Variants in TIAM2 observed in about 807,000 individuals in gnomAD.
TIAM2 encodes the protein TIAM Rac1 associated GEF 2.
TIAM2 carries 80 observed loss-of-function variants against 152.9 expected under a neutral mutation model. The ratio of observed to expected loss-of-function variants is 0.52; its 90% CI spans 0.44 to 0.63. The LOEUF (loss-of-function observed/expected upper bound fraction) is 0.63, where lower values mean the gene tolerates loss of function less well. Among genes scored for constraint, TIAM2 ranks in the 30% least tolerant of loss-of-function variants. The probability of loss-of-function intolerance (pLI) is 0.00; values close to 1 mark genes in which losing one functional copy is unlikely to be tolerated. For synonymous variants in TIAM2, 804 were observed against 838.0 expected (o/e 0.96, Z 0.70); for missense variants, 1,965 against 2,120.1 (o/e 0.93, Z 1.44).
chr6:155,071,941 G>A (rs1055155536), intron 1 of TIAM2, among the ~76,000 whole-genome samples: 1 of 151,776 alleles, frequency 6.6e-6, no homozygotes, highest in East Asian at 1.9e-4. Flanking sequence ...TATTATCTCT[G>A]TTATGTGTTG....
In TIAM2 at chr6:155,218,131, A is replaced by G. The variant is rs1330021227; in HGVS notation, c.3168+6824A>G. 6.6e-6 allele frequency among the ~76,000 whole-genome samples: 1 copy of G among 152,248 alleles called. No homozygotes were observed. The highest frequency in any genetic ancestry group is 1.5e-5 in the Non-Finnish European group (1 of 68,042). ...ATGTTTTTGTTAGGCAGTCAAGCTA[A>G]AAGATAACTTATTTATAAACCGTAG... On this transcript the variant is annotated intron_variant, in intron 15 of 26. Coordinates refer to ENST00000682666, the MANE Select transcript of TIAM2 (RefSeq NM_012454.4). This position sits in a 1 kb window ranked among gnomAD's most constrained non-coding sequence, Gnocchi z 4.5.
chr6:155,142,785 A>C (rs1779739330), intron 5 of TIAM2, among the ~76,000 whole-genome samples: 1 of 152,116 alleles, frequency 6.6e-6, no homozygotes, highest in African/African-American at 2.4e-5. Context: ...TGCGGGGAGG[A>C]GCAAATGCGC....
At chr6:155,158,690 G>C (rs1004941813) in intron 7 of TIAM2, among the ~76,000 whole-genome samples, 3 of 151,726 alleles carry the variant, frequency 2.0e-5, no homozygotes, top group Non-Finnish European at 4.4e-5. Flanking sequence ...ACATAGATGG[G>C]GCTACAGGTG....
rs1779400121 is a variant in TIAM2 at position 155,129,854 on chromosome 6, G to A, written c.631G>A (p.Val211Met). The A allele has an allele frequency of 4.3e-6, 7 of 1,613,668 alleles. No homozygotes were observed. The highest frequency in any genetic ancestry group is 4.0e-5 in the African/African-American group (3 of 75,054). ...TACCTTAGCATCGGAAACCTCCCCTGTGCCTGAAGCCAGGAGGGGGTCCAG... is the reference window on the plus strand; with the variant it reads ...TACCTTAGCATCGGAAACCTCCCCTATGCCTGAAGCCAGGAGGGGGTCCAG... ...SPTLASETSP[V>M]PEARRGSSAD... The change falls in exon 4 of 27, where the codon GTG becomes ATG. Residue 211 changes from valine (V) to methionine (M), a missense_variant. By Grantham distance (21) the Val-to-Met change is conservative. Transcript: ENST00000682666. This position sits in a 1 kb window ranked among gnomAD's most constrained non-coding sequence, Gnocchi z 4.8.
chr6:155,044,419 C>A (rs769205553), intron 1 of TIAM2, among the ~76,000 whole-genome samples: 1 of 152,160 alleles, frequency 6.6e-6, no homozygotes, highest in Non-Finnish European at 1.5e-5. Flanking sequence ...GTTTTTTATT[C>A]GTTTAGCTGA....
chr6:155,169,630 C>A (rs1005797389), intron 9 of TIAM2, among the ~76,000 whole-genome samples: 2 of 152,110 alleles, frequency 1.3e-5, no homozygotes, highest in Non-Finnish European at 2.9e-5. Context: ...TCTCTCCAGG[C>A]GCCGTCAAGG....
At chr6:155,167,866 A>G (rs77099542) in intron 9 of TIAM2, among the ~76,000 whole-genome samples, 3,906 of 152,318 alleles carry the variant, frequency 0.026, 74 homozygotes, top group Non-Finnish European at 0.04. Flanking sequence ...TCAAGACAGT[A>G]TATTCGATAT....
chr6:155,013,273 A>C (rs1290002484), intron 1 of TIAM2, among the ~76,000 whole-genome samples: 1 of 152,150 alleles, frequency 6.6e-6, no homozygotes, highest in Admixed American at 6.6e-5. Context: ...GCAGGTCAGA[A>C]AATCTCTGTC....
In TIAM2 at chr6:155,187,803, C is replaced by G. The variant is rs1459090843; in HGVS notation, c.3064+4303C>G. 4.6e-5 allele frequency among the ~76,000 whole-genome samples: 7 copies of G among 152,084 alleles called. No individual in the cohort carries two copies. In the East Asian group the frequency reaches 1.4e-3, roughly 30 times the overall value. ...ATGTTGGTCAGGCTGGTCTCGAACT[C>G]CCAACCTCGGGTGATCTGCCCGCCT... On this transcript the variant is annotated intron_variant, in intron 14 of 26. Coordinates refer to ENST00000682666, the MANE Select transcript of TIAM2 (RefSeq NM_012454.4).
chr6:155,027,003 T>C (rs1429764821), intron 1 of TIAM2, among the ~76,000 whole-genome samples: 2 of 152,150 alleles, frequency 1.3e-5, no homozygotes, highest in Non-Finnish European at 2.9e-5. Context: ...TTCTGGACTT[T>C]GAATATTTCT....
chr6:155,244,872 CTTGTCCTGTGACTATTGACTATTTA>C (rs1450081430), intron 18 of TIAM2, 89 bp downstream of exon 18: 1 of 1,435,288 alleles, frequency 7.0e-7, no homozygotes, highest in Non-Finnish European at 9.3e-7. Flanking sequence ...GAAAGAATTT[CTTGTCCTGTGACTATTGACTATTTA>C]TTGTCCTGTG....
chr6:155,043,192 C>T (rs1182386487), intron 1 of TIAM2, among the ~76,000 whole-genome samples: 1 of 152,152 alleles, frequency 6.6e-6, no homozygotes. Context: ...GTGCACTCAC[C>T]TGCTGCCCTC....
intron 1 of TIAM2, among the ~76,000 whole-genome samples, chr6:155,063,881 G>C (rs1226932584): frequency 6.6e-6 from 1 of 151,886 alleles, no homozygotes; most frequent in Non-Finnish European, 1.5e-5. Flanking sequence ...TGTGCATGTG[G>C]ATGTAAGATA....
chr6:155,244,463 TG>T (rs1783210140), intron 17 of TIAM2, among the ~76,000 whole-genome samples, 194 bp from the exon 18 acceptor site: 1 of 152,234 alleles, frequency 6.6e-6, no homozygotes, highest in African/African-American at 2.4e-5. Context: ...TAGAGAATTA[TG>T]GGGGATGGAG....
chr6:155,184,155 A>T (rs1351980902), intron 14 of TIAM2, among the ~76,000 whole-genome samples: 1 of 151,918 alleles, frequency 6.6e-6, no homozygotes, highest in Non-Finnish European at 1.5e-5. Flanking sequence ...TGCCTCGCTA[A>T]TTTTTGCATT....
At chr6:155,083,367 A>AAAGAG (rs1554228972) in intron 1 of TIAM2, among the ~76,000 whole-genome samples, 9 of 119,294 alleles carry the variant, frequency 7.5e-5, no homozygotes, top group East Asian at 3.0e-4. Flanking sequence ...AAAAAAAAAA[A>AAAGAG]AGAGAGAGAG....
intron 4 of TIAM2, among the ~76,000 whole-genome samples, chr6:155,131,808 A>G (rs1779454148): frequency 6.6e-6 from 1 of 152,036 alleles, no homozygotes; most frequent in Admixed American, 6.6e-5. Flanking sequence ...GGAACTCCTG[A>G]CCTCAGGTGA....
At chr6:155,161,236 G>A (rs1440749429) in intron 7 of TIAM2, among the ~76,000 whole-genome samples, 1 of 152,142 alleles carries the variant, frequency 6.6e-6, no homozygotes, top group Non-Finnish European at 1.5e-5. Flanking sequence ...CCCCAGCTGG[G>A]GATGCAGTGG....
At chr6:155,132,842 C>T (rs1252269437) in intron 4 of TIAM2, among the ~76,000 whole-genome samples, 1 of 152,156 alleles carries the variant, frequency 6.6e-6, no homozygotes, top group African/African-American at 2.4e-5. Flanking sequence ...CTGGCTTACA[C>T]GCGGCTCTAG....
Sources: gnomAD v4.1 joint callset for allele counts (sites outside exome capture counted in the v4.1 genomes callset) on GRCh38, gnomAD v4.1.1 for gene constraint, Gnocchi (gnomAD v3.1) non-coding constraint, MANE v1.5 for transcripts, NCBI Gene and HGNC (gene_info 2026-07-23, HGNC 2026-07-21) for gene names.